ARL15: variants seen among roughly 807,000 people sequenced by gnomAD.
The protein encoded by ARL15 is ARF like GTPase 15.
A neutral mutation model predicts 25.2 loss-of-function variants in ARL15; 19 were observed. The ratio of observed to expected loss-of-function variants is 0.75; its 90% CI spans 0.53 to 1.10. ARL15 has a LOEUF of 1.10. ARL15 is among the 50% of genes least tolerant of loss of function. ARL15 has a pLI of 0.00. For missense variants in ARL15, 220 were observed against 246.0 expected, an observed-to-expected ratio of 0.89 and a Z score of 0.71; for synonymous variants, 94 against 86.8, an observed-to-expected ratio of 1.08 and a Z score of -0.46.
chr5:53,965,553 T>C (rs546203019), intron 4 of ARL15, among the ~76,000 whole-genome samples: 4 of 152,048 alleles, frequency 2.6e-5, no homozygotes, highest in Non-Finnish European at 4.4e-5. Context: ...CAGAAGAGAG[T>C]TGGGCTTTTG....
At chr5:54,288,045 A>G (rs76022316) in intron 1 of ARL15, among the ~76,000 whole-genome samples, 3,171 of 152,338 alleles carry the variant, frequency 0.021, 49 homozygotes, top group Middle Eastern at 0.037. Context: ...ATCTAAATTT[A>G]CAAAGCTACT....
At chr5:54,004,665 TG>T (rs1748960306) in intron 4 of ARL15, among the ~76,000 whole-genome samples, 1 of 152,136 alleles carries the variant, frequency 6.6e-6, no homozygotes, top group Non-Finnish European at 1.5e-5. Flanking sequence ...TTGCACTTAC[TG>T]GTAAATTATT....
intron 4 of ARL15, among the ~76,000 whole-genome samples, chr5:54,107,527 A>G (rs535690933): frequency 4.3e-4 from 65 of 152,234 alleles, no homozygotes; most frequent in African/African-American, 1.4e-3. Context: ...TCTGTGTTGA[A>G]AAATAGTGAG....
chr5:53,988,052 G>C (rs1210650138), intron 4 of ARL15, among the ~76,000 whole-genome samples: 1 of 152,024 alleles, frequency 6.6e-6, no homozygotes, highest in Non-Finnish European at 1.5e-5. Context: ...GCAGTGAGCA[G>C]AGATCGGGCC....
At chr5:54,250,621 A>T (rs1021276287) in intron 1 of ARL15, among the ~76,000 whole-genome samples, 4 of 152,136 alleles carry the variant, frequency 2.6e-5, no homozygotes, top group African/African-American at 7.2e-5. Flanking sequence ...GATGAGAGAC[A>T]TGATGGTGGA....
At chr5:53,943,815 A>C (rs1348674174) in intron 4 of ARL15, among the ~76,000 whole-genome samples, 1 of 152,208 alleles carries the variant, frequency 6.6e-6, no homozygotes, top group African/African-American at 2.4e-5. Context: ...TGGGAAGAAG[A>C]GGTGTCAAAC....
intron 4 of ARL15, among the ~76,000 whole-genome samples, chr5:53,895,085 C>G (rs989529293): frequency 6.6e-6 from 1 of 152,152 alleles, no homozygotes; most frequent in Admixed American, 6.5e-5. Flanking sequence ...TACTACCTAG[C>G]CCTTTATAGA....
At chr5:54,116,642 G>T (rs1752908687) in intron 3 of ARL15, among the ~76,000 whole-genome samples, 1 of 152,118 alleles carries the variant, frequency 6.6e-6, no homozygotes, top group Non-Finnish European at 1.5e-5. Context: ...GGCTGCAATT[G>T]ACAAACTAGT....
At chr5:53,982,422 G>A (rs1019917866) in intron 4 of ARL15, among the ~76,000 whole-genome samples, 1 of 148,346 alleles carries the variant, frequency 6.7e-6, no homozygotes, top group African/African-American at 2.5e-5. Flanking sequence ...ACCTATGAGT[G>A]AGAACATGAG....
chr5:53,986,577 T>C (rs1395647888), intron 4 of ARL15, among the ~76,000 whole-genome samples: 1 of 152,216 alleles, frequency 6.6e-6, no homozygotes, highest in African/African-American at 2.4e-5. Context: ...CCAATGCAGG[T>C]GGTCTCTGAC....
chr5:54,215,252 A>G (rs1333856701), intron 1 of ARL15, among the ~76,000 whole-genome samples: 2 of 152,118 alleles, frequency 1.3e-5, no homozygotes, highest in African/African-American at 4.8e-5. Flanking sequence ...ATCACAAGCT[A>G]TATTCTGTGG....
At chr5:53,922,289 G>T (rs890433344) in intron 4 of ARL15, among the ~76,000 whole-genome samples, 1 of 152,142 alleles carries the variant, frequency 6.6e-6, no homozygotes, top group African/African-American at 2.4e-5. Context: ...TAGTAACGAG[G>T]ATACAAACAA....
At chr5:54,230,346 G>GAAAAAAAAAAAAAAAGAAAAA (rs1756633363) in intron 1 of ARL15, among the ~76,000 whole-genome samples, 1 of 91,854 alleles carries the variant, frequency 1.1e-5, no homozygotes, top group South Asian at 3.6e-4. Flanking sequence ...TTCCATCTCA[G>GAAAAAAAAAAAAAAAGAAAAA]AAAAAAAAAA....
In ARL15 at chr5:53,902,693, G is replaced by A. The variant is rs1745106487; in HGVS notation, c.463-15980C>T. On this transcript the variant is annotated intron_variant, in intron 4 of 4. Transcript: ENST00000504924. ...CCATAAACAGGAGACAGACAAATATGGCAAGCCACGCGTTACTCAGTCACC... is the reference window on the plus strand; with the variant it reads ...CCATAAACAGGAGACAGACAAATATAGCAAGCCACGCGTTACTCAGTCACC... 2.0e-5 allele frequency among the ~76,000 whole-genome samples: 3 copies of A among 152,166 alleles called. No homozygotes were observed. The South Asian group carries it at 6.2e-4, about 32-fold the overall frequency.
At chr5:54,170,028 C>T (rs1309819008) in intron 2 of ARL15, among the ~76,000 whole-genome samples, 2 of 152,104 alleles carry the variant, frequency 1.3e-5, no homozygotes, top group East Asian at 1.9e-4. Flanking sequence ...ACTTACTTGC[C>T]GGCAAAAGCT....
intron 3 of ARL15, among the ~76,000 whole-genome samples, chr5:54,151,826 G>A (rs892246725): frequency 3.3e-5 from 5 of 152,030 alleles, no homozygotes; most frequent in Admixed American, 2.0e-4. Context: ...ACAGGTTTAT[G>A]CGCTTCCCTA....
chr5:53,901,772 A>G (rs1381914874), intron 4 of ARL15, among the ~76,000 whole-genome samples: 3 of 152,170 alleles, frequency 2.0e-5, no homozygotes, highest in Non-Finnish European at 4.4e-5. Context: ...AAAACAACTC[A>G]TGATTACCAA....
chr5:54,029,776 G>A (rs963938319), intron 4 of ARL15, among the ~76,000 whole-genome samples: 1 of 152,070 alleles, frequency 6.6e-6, no homozygotes, highest in African/African-American at 2.4e-5. Context: ...GGCAGATCAC[G>A]AGGTCAGGAG....
chr5:54,026,911 C>T (rs1411314249), intron 4 of ARL15, among the ~76,000 whole-genome samples: 3 of 152,166 alleles, frequency 2.0e-5, no homozygotes, highest in Admixed American at 1.3e-4. Flanking sequence ...CTAGTTCCTA[C>T]TGACAGATGT....
Sources: allele counts gnomAD v4.1 joint callset (sites outside exome capture counted in the v4.1 genomes callset), GRCh38; gene constraint gnomAD v4.1.1; transcripts MANE v1.5; gene names NCBI Gene and HGNC (gene_info 2026-07-23, HGNC 2026-07-21).